Variants in CAPN8 observed in about 807,000 individuals in gnomAD.
The protein encoded by CAPN8 is calpain 8, also known as calpain-8.
Under a neutral mutation model 80.9 loss-of-function variants are expected in CAPN8, and 87 were observed. The ratio of observed to expected loss-of-function variants is 1.07; its 90% CI spans 0.90 to 1.28. The LOEUF (loss-of-function observed/expected upper bound fraction) is 1.28, where lower values mean the gene tolerates loss of function less well. Among genes scored for constraint, CAPN8 ranks in the 50% most tolerant of loss-of-function variants. The probability of loss-of-function intolerance (pLI) is 0.00; values close to 1 mark genes in which losing one functional copy is unlikely to be tolerated. For missense variants in CAPN8, 757 were observed against 702.0 expected, an observed-to-expected ratio of 1.08 and a Z score of -0.89; for synonymous variants, 299 against 273.8, an observed-to-expected ratio of 1.09 and a Z score of -0.91.
intron 1 of CAPN8, among the ~76,000 whole-genome samples, chr1:223,659,405 C>T (rs1315469596): frequency 2.0e-5 from 3 of 152,186 alleles, no homozygotes; most frequent in East Asian, 3.8e-4. Context: ...ATGTTTCCAG[C>T]TTTGTCTGTC....
At chr1:223,663,962 A>C (rs1259722057) in intron 1 of CAPN8, among the ~76,000 whole-genome samples, 1 of 152,230 alleles carries the variant, frequency 6.6e-6, no homozygotes, top group East Asian at 1.9e-4. Flanking sequence ...ATGGTTTAGA[A>C]GACAAAAGGT....
rs1217221547 is a variant in CAPN8 at position 223,544,069 on chromosome 1, A to G, written c.2027T>C (p.Phe676Ser). The change falls in exon 19 of 21, where the codon TTC (phenylalanine) becomes TCC (serine). Residue 676 changes from phenylalanine (F) to serine (S), a missense_variant and splice_region_variant. By Grantham distance (155) the Phe-to-Ser change is radical. Transcript: ENST00000366872. ...VACMIRLETL[F>S]KLFSLLDEDK... ...GGCTGGAGGACAGAGTGACTCACTG[A>G]AGAGGGTCTCCAGGCGGATCATACA... 1.4e-6 allele frequency: 1 copy of G among 717,998 alleles called. No individual in the cohort carries two copies. The highest frequency in any genetic ancestry group is 2.7e-5 in the East Asian group (1 of 37,282). The allele number at this position is 717,998 out of a possible 1,614,324, so 44.5% of individuals were successfully genotyped here.
At chr1:223,628,404 C>T (rs983815806) in intron 3 of CAPN8, among the ~76,000 whole-genome samples, 3 of 152,240 alleles carry the variant, frequency 2.0e-5, no homozygotes, top group Non-Finnish European at 4.4e-5. Context: ...AGACCCACAC[C>T]TCCTGACCCT....
chr1:223,618,607 AGCTG>A (rs1324300200), intron 9 of CAPN8, among the ~76,000 whole-genome samples: 1 of 152,204 alleles, frequency 6.6e-6, no homozygotes, highest in African/African-American at 2.4e-5. Context: ...ACTGCTAGCC[AGCTG>A]GGTGTGGGGA....
intron 15 of CAPN8, 166 bp from the exon 16 acceptor site, chr1:223,549,548 C>G (rs956909314): frequency 1.0e-6 from 1 of 1,004,196 alleles, no homozygotes; most frequent in African/African-American, 1.6e-5. Flanking sequence ...GCAGATACGC[C>G]TGAGCCTCCT....
intron 2 of CAPN8, among the ~76,000 whole-genome samples, chr1:223,630,619 A>T (rs967841155): frequency 3.9e-5 from 6 of 152,152 alleles, no homozygotes; most frequent in African/African-American, 1.4e-4. Context: ...TACAGGTGTA[A>T]GCCACCATGC....
intron 15 of CAPN8, 33 bp downstream of exon 15, chr1:223,550,927 G>T: frequency 1.4e-6 from 1 of 716,332 alleles, no homozygotes. Flanking sequence ...CATCTCCTAC[G>T]GACTTTCTGA....
intron 2 of CAPN8, among the ~76,000 whole-genome samples, chr1:223,646,040 T>C (rs1450601841): frequency 6.6e-6 from 1 of 152,096 alleles, no homozygotes; most frequent in Non-Finnish European, 1.5e-5. Flanking sequence ...TAGACTGCAC[T>C]CTGTACAGGG....
chr1:223,610,968 C>A (rs34485635), intron 11 of CAPN8, among the ~76,000 whole-genome samples: 102,107 of 151,986 alleles, frequency 0.67, 35,021 homozygotes, highest in African/African-American at 0.8. Context: ...TGCTTCAACA[C>A]GCCCTCTAGG....
Position 223,549,406 on chromosome 1 carries a change from G to A in CAPN8, c.1700-24C>T, listed in dbSNP as rs927099181. 5.8e-6 allele frequency: 9 copies of A among 1,551,630 alleles called. No individual in the cohort carries two copies. In the Admixed American group the frequency reaches 1.8e-4, roughly 30 times the overall value. On this transcript the variant is annotated intron_variant, in intron 15 of 20. Transcript: ENST00000366872. ...TCCTAAAGATTTAAATAGAAAAGGG[G>A]AGTGGGAATCGGATCATTTGAAGGT...
At position 223,631,833 on chromosome 1, in the gene CAPN8, G is replaced by T. The variant is rs189352885; in HGVS notation, c.308-3053C>A. Among the ~76,000 whole-genome samples the T allele has an allele frequency of 1.1e-4, 16 of 152,234 alleles. No individual in the cohort carries two copies. The South Asian group carries it at 3.3e-3, about 32-fold the overall frequency. ...AAGCCCAGTCCTCTGGGGAGTGAAG[G>T]GGGAGACTGCTCTGCAACACCTCTA... On this transcript the variant is annotated intron_variant, in intron 2 of 20. Transcript: ENST00000366872.
chr1:223,641,979 CA>C (rs1158609423), intron 2 of CAPN8, among the ~76,000 whole-genome samples: 10 of 152,356 alleles, frequency 6.6e-5, no homozygotes, highest in African/African-American at 2.4e-4. Context: ...CACCACCATT[CA>C]ACACCGTGGG....
intron 6 of CAPN8, 72 bp downstream of exon 6, chr1:223,625,733 T>G: frequency 3.0e-6 from 4 of 1,353,626 alleles, no homozygotes; most frequent in South Asian, 1.3e-5. Context: ...ACCTCTTTCC[T>G]CCTGTCGAGA....
chr1:223,548,316 C>T (rs973500672), intron 16 of CAPN8, among the ~76,000 whole-genome samples: 3 of 152,202 alleles, frequency 2.0e-5, no homozygotes, highest in African/African-American at 4.8e-5. Flanking sequence ...AGTGATGTTA[C>T]ACCACTCACC....
chr1:223,549,291 A>C, intron 16 of CAPN8, 27 bp downstream of exon 16: 1 of 1,544,586 alleles, frequency 6.5e-7, no homozygotes, highest in South Asian at 1.2e-5. Context: ...GTAAAAAAAA[A>C]AAAATAATGC....
chr1:223,647,761 T>C (rs1658230822), intron 2 of CAPN8, among the ~76,000 whole-genome samples: 1 of 152,208 alleles, frequency 6.6e-6, no homozygotes, highest in Admixed American at 6.5e-5. Flanking sequence ...ACAATTATAC[T>C]GAAAGTTATC....
intron 2 of CAPN8, among the ~76,000 whole-genome samples, chr1:223,631,617 G>T (rs1329906325): frequency 6.6e-6 from 1 of 152,204 alleles, no homozygotes; most frequent in African/African-American, 2.4e-5. Flanking sequence ...CAAATAAGCA[G>T]ATGACTACAT....
intron 13 of CAPN8, among the ~76,000 whole-genome samples, chr1:223,555,141 G>A (rs879135104): frequency 0.03 from 4,531 of 152,322 alleles, 173 homozygotes; most frequent in African/African-American, 0.089. Context: ...GGTACTTTGC[G>A]TGGATTATTT....
chr1:223,612,149 C>A, intron 11 of CAPN8, 97 bp downstream of exon 11: 1 of 1,064,170 alleles, frequency 9.4e-7, no homozygotes, highest in African/African-American at 1.6e-5. Context: ...GAACAACCAG[C>A]TTCTACCACA....
Sources: gnomAD v4.1 joint callset for allele counts (sites outside exome capture counted in the v4.1 genomes callset) on GRCh38, gnomAD v4.1.1 for gene constraint, MANE v1.5 for transcripts, NCBI Gene and HGNC (gene_info 2026-07-23, HGNC 2026-07-21) for gene names.